TANC1: variants seen among roughly 807,000 people sequenced by gnomAD.
TANC1 encodes the protein protein TANC1.
Under a neutral mutation model 149.7 loss-of-function variants are expected in TANC1, and 77 were observed. The ratio of observed to expected loss-of-function variants is 0.51; its 90% CI spans 0.43 to 0.62. The LOEUF (loss-of-function observed/expected upper bound fraction) is 0.62. Ranked by LOEUF, TANC1 falls within the 20% of genes least tolerant of loss-of-function variation. The pLI, the probability that TANC1 is intolerant of heterozygous loss-of-function variation, is 0.00. For missense variants in TANC1, 1,985 were observed against 2,321.8 expected, an observed-to-expected ratio of 0.85 and a Z score of 2.98; for synonymous variants, 854 against 925.0, an observed-to-expected ratio of 0.92 and a Z score of 1.39.
At chr2:159,136,029 TGTGTGTGTGTGTGTGTGTGTGCGC>T (rs748277185) in intron 4 of TANC1, among the ~76,000 whole-genome samples, 141 bp from the exon 5 acceptor site, 2 of 114,832 alleles carry the variant, frequency 1.7e-5, no homozygotes, top group African/African-American at 3.9e-5. Context: ...TGTGTGTGTG[TGTGTGTGTGTGTGTGTGTGTGCGC>T]GCGCGCGCGT....
chr2:159,159,679 T>C (rs1179860370), intron 7 of TANC1, among the ~76,000 whole-genome samples: 2 of 150,884 alleles, frequency 1.3e-5, no homozygotes, highest in African/African-American at 4.9e-5. Context: ...CCACTAATTG[T>C]GCATACACAT....
At chr2:159,222,463 T>C (rs1436762809) in intron 22 of TANC1, among the ~76,000 whole-genome samples, 1 of 152,216 alleles carries the variant, frequency 6.6e-6, no homozygotes, top group African/African-American at 2.4e-5. Flanking sequence ...AGATATCTCA[T>C]GTAAGTAGAA....
At chr2:158,983,836 T>G (rs958607656) in intron 1 of TANC1, among the ~76,000 whole-genome samples, 1 of 152,352 alleles carries the variant, frequency 6.6e-6, no homozygotes, top group East Asian at 1.9e-4. Flanking sequence ...ATTGCCTTTG[T>G]GCCTATTAAA....
At chr2:159,100,063 T>C (rs146260108) in intron 4 of TANC1, among the ~76,000 whole-genome samples, 1 of 152,184 alleles carries the variant, frequency 6.6e-6, no homozygotes, top group East Asian at 1.9e-4. Flanking sequence ...TAATAGATAA[T>C]AGAGATAATT....
Position 159,136,189 on chromosome 2 carries a change from T to C in TANC1, c.260-5T>C, listed in dbSNP as rs2050727997. The C allele has an allele frequency of 1.9e-6, 3 of 1,570,952 alleles. No individual in the cohort carries two copies. The highest frequency in any genetic ancestry group is 2.6e-6 in the Non-Finnish European group (3 of 1,140,416). Reference sequence around the variant, plus strand: ...TTAGCCACACTCAGATCTTTCCCACTACAGGTCCCGTCAGGAAGCCCAAGT... The same window carrying C: ...TTAGCCACACTCAGATCTTTCCCACCACAGGTCCCGTCAGGAAGCCCAAGT... On this transcript the variant is annotated splice_region_variant and splice_polypyrimidine_tract_variant and intron_variant, in intron 4 of 26. Coordinates refer to ENST00000263635, the MANE Select transcript of TANC1 (RefSeq NM_033394.3).
intron 2 of TANC1, among the ~76,000 whole-genome samples, chr2:159,009,363 A>G (rs1559127587): frequency 6.6e-6 from 1 of 152,206 alleles, no homozygotes; most frequent in African/African-American, 2.4e-5. Context: ...AATCAACTTA[A>G]GTGTCCATCA....
chr2:159,187,095 C>T (rs2057041921), intron 16 of TANC1, 71 bp downstream of exon 16: 1 of 1,564,684 alleles, frequency 6.4e-7, no homozygotes, highest in Admixed American at 1.8e-5. Context: ...TCCAACAGCC[C>T]TGTTTCCCTC....
rs1371919827 is a variant in TANC1 at position 159,196,820 on chromosome 2, G to A, written c.3165+27G>A. ...TGAGTGGGGCAGGGGTTTCCCTCCT[G>A]GGAAACAAGAAGCTGTAGCCCAGCA... On this transcript the variant is annotated intron_variant, in intron 18 of 26. Coordinates refer to ENST00000263635, the MANE Select transcript of TANC1 (RefSeq NM_033394.3). The A allele has an allele frequency of 1.9e-6, 3 of 1,581,856 alleles. No individual in the cohort carries two copies. The African/African-American group carries it at 4.1e-5, about 21-fold the overall frequency.
intron 1 of TANC1, among the ~76,000 whole-genome samples, chr2:158,969,531 C>A (rs1046960089): frequency 2.0e-5 from 3 of 152,136 alleles, no homozygotes; most frequent in African/African-American, 7.2e-5. Flanking sequence ...TGGTCATTTT[C>A]GGGGGACGAT....
chr2:159,020,530 T>G (rs1408884653), intron 2 of TANC1, among the ~76,000 whole-genome samples: 1 of 152,204 alleles, frequency 6.6e-6, no homozygotes, highest in Admixed American at 6.5e-5. Context: ...AAACTTCTTT[T>G]TTTTCAATAA....
chr2:159,118,924 T>A (rs1254973670), intron 4 of TANC1, among the ~76,000 whole-genome samples: 1 of 152,230 alleles, frequency 6.6e-6, no homozygotes, highest in Non-Finnish European at 1.5e-5. Context: ...TTTGCCTTTG[T>A]ACATGACTGG....
chr2:159,005,313 A>G (rs2037050843), intron 2 of TANC1, among the ~76,000 whole-genome samples: 1 of 152,208 alleles, frequency 6.6e-6, no homozygotes, highest in Non-Finnish European at 1.5e-5. Flanking sequence ...ACTAAAGGCC[A>G]GGTGTGGTGG....
chr2:159,078,567 T>C (rs552630419), intron 3 of TANC1, among the ~76,000 whole-genome samples: 62 of 152,218 alleles, frequency 4.1e-4, no homozygotes, highest in Non-Finnish European at 7.6e-4. Context: ...CTGCTTTGTC[T>C]GTGAGTTTTG....
intron 1 of TANC1, among the ~76,000 whole-genome samples, chr2:158,973,032 C>T (rs1311506367): frequency 1.5e-4 from 23 of 152,068 alleles, no homozygotes; most frequent in Admixed American, 1.5e-3. Context: ...CTTCTAGGGT[C>T]GGTGTTGTCT....
chr2:159,174,438 G>C (rs181574502), intron 11 of TANC1, among the ~76,000 whole-genome samples: 1 of 152,068 alleles, frequency 6.6e-6, no homozygotes, highest in Non-Finnish European at 1.5e-5. Context: ...GTGGGTGTGG[G>C]GAGGGGCCAA....
At chr2:159,097,584 A>C in intron 3 of TANC1, 53 bp from the exon 4 acceptor site, 1 of 1,382,366 alleles carries the variant, frequency 7.2e-7, no homozygotes, top group Non-Finnish European at 1.0e-6. Context: ...TTAAATTTGC[A>C]TCAACTTATA....
chr2:159,042,786 G>T (rs891161612), intron 2 of TANC1, among the ~76,000 whole-genome samples: 1 of 152,084 alleles, frequency 6.6e-6, no homozygotes. Flanking sequence ...AAGTTGAGTG[G>T]TGTGTTTGGG....
chr2:159,187,153 C>T (rs1575154371), intron 16 of TANC1, 129 bp downstream of exon 16: 1 of 1,075,142 alleles, frequency 9.3e-7, no homozygotes, highest in Admixed American at 2.7e-5. Flanking sequence ...TAAAGATGTG[C>T]TTCCCTGATC....
chr2:159,149,309 T>G, intron 6 of TANC1, 37 bp downstream of exon 6: 1 of 1,613,728 alleles, frequency 6.2e-7, no homozygotes, highest in Non-Finnish European at 8.5e-7. Flanking sequence ...GCATACCTCT[T>G]CAGAGGATGA....
Sources: gnomAD v4.1 joint callset for allele counts (sites outside exome capture counted in the v4.1 genomes callset) on GRCh38, gnomAD v4.1.1 for gene constraint, MANE v1.5 for transcripts, NCBI Gene and HGNC (gene_info 2026-07-23, HGNC 2026-07-21) for gene names.